ST8SIA5: variants seen among roughly 807,000 people sequenced by gnomAD.
The protein encoded by ST8SIA5 is ST8 alpha-N-acetyl-neuraminide alpha-2,8-sialyltransferase 5.
Under a neutral mutation model 40.2 loss-of-function variants are expected in ST8SIA5, and 24 were observed. The observed-to-expected ratio is 0.60, with a 90% CI of 0.43 to 0.84. The LOEUF (loss-of-function observed/expected upper bound fraction) is 0.84, where lower values mean the gene tolerates loss of function less well. ST8SIA5 is among the 40% of genes least tolerant of loss of function. The pLI is 0.00. For missense variants in ST8SIA5, 465 were observed against 498.5 expected, an observed-to-expected ratio of 0.93 and a Z score of 0.64; for synonymous variants, 198 against 201.8, an observed-to-expected ratio of 0.98 and a Z score of 0.16.
At chr18:46,710,810 G>A (rs373616427) in intron 1 of ST8SIA5, among the ~76,000 whole-genome samples, 2 of 152,150 alleles carry the variant, frequency 1.3e-5, no homozygotes, top group East Asian at 3.9e-4. Flanking sequence ...CTTTCTTGGG[G>A]GCAACAGTAC....
rs1311708929 is a variant in ST8SIA5, at chr18:46,674,661, A to T, written c.*5381T>A. 1 of 152,286 alleles carries T rather than the reference A, an allele frequency of 6.6e-6. No homozygotes were observed. The highest frequency in any genetic ancestry group is 2.4e-5 in the African/African-American group (1 of 41,466). 9.4% of individuals were successfully genotyped at this position (152,286 alleles called of 1,614,324 possible). A position where few individuals can be genotyped will look rare whatever the true frequency, so the allele number is the denominator to read the frequency against. Reference sequence around the variant, plus strand: ...CCCTTGGGGAGAAGGCAAACCTTCTATCAAGGACACACGGGCCCTTATGCT... The same window carrying T: ...CCCTTGGGGAGAAGGCAAACCTTCTTTCAAGGACACACGGGCCCTTATGCT... On this transcript the variant is annotated 3_prime_UTR_variant, in exon 7 of 7. Coordinates refer to ENST00000315087, the MANE Select transcript of ST8SIA5 (RefSeq NM_013305.6).
At chr18:46,711,389 C>A (rs1195398711) in intron 1 of ST8SIA5, among the ~76,000 whole-genome samples, 1 of 152,220 alleles carries the variant, frequency 6.6e-6, no homozygotes, top group Non-Finnish European at 1.5e-5. Flanking sequence ...GGTAAAGTAA[C>A]TTGCCCAAGG....
At position 46,680,190 on chromosome 18, in the gene ST8SIA5, G is replaced by T; in HGVS notation, c.983C>A (p.Pro328His). 6.2e-7 allele frequency: 1 copy of T among 1,614,220 alleles called. No homozygotes were observed. Among genetic ancestry groups the T allele is most frequent in the South Asian group, 1.1e-5 (1 of 91,078 alleles). ...GTGGTGAGTGATGTAGAGGCCCGAGGGGTTCATGGGGAAGGCCCAGAAGCC... is the reference window on the plus strand; with the variant it reads ...GTGGTGAGTGATGTAGAGGCCCGAGTGGTTCATGGGGAAGGCCCAGAAGCC... ...LFGFWAFPMN[P>H]SGLYITHHYY... The change falls in exon 7 of 7, where the codon CCC (proline) becomes CAC (histidine). Residue 328 changes from proline (P) to histidine (H), a missense_variant. By Grantham distance (77) the Pro-to-His change is moderately conservative. Coordinates refer to ENST00000315087, the MANE Select transcript of ST8SIA5 (RefSeq NM_013305.6).
At chr18:46,683,445 A>C (rs758148387) in intron 5 of ST8SIA5, among the ~76,000 whole-genome samples, 25 of 152,104 alleles carry the variant, frequency 1.6e-4, no homozygotes, top group Non-Finnish European at 2.9e-4. Flanking sequence ...CCTGTGGTAG[A>C]TGAGAACAGG....
At chr18:46,717,430 AG>A (rs1440290436) in intron 1 of ST8SIA5, among the ~76,000 whole-genome samples, 1 of 152,042 alleles carries the variant, frequency 6.6e-6, no homozygotes, top group African/African-American at 2.4e-5. Context: ...CTGCCTCCTG[AG>A]TTCAAGCGAT....
chr18:46,671,550 C>T lies in ST8SIA5; in HGVS notation c.*8492G>A, dbSNP rs979282305. The T allele has an allele frequency of 5.9e-5, 9 of 152,220 alleles. No homozygotes were observed. The highest frequency in any genetic ancestry group is 1.3e-4 in the Non-Finnish European group (9 of 68,094). 9.4% of individuals were successfully genotyped at this position (152,220 alleles called of 1,614,324 possible). A position where few individuals can be genotyped will look rare whatever the true frequency, so the allele number is the denominator to read the frequency against. ...CAAGTGTGTGGTACTCAGATCCTAC[C>T]CAGCGCCGGTCACAAGGTGACCCTC... On this transcript the variant is annotated 3_prime_UTR_variant, in exon 7 of 7. Coordinates refer to ENST00000315087, the MANE Select transcript of ST8SIA5 (RefSeq NM_013305.6).
chr18:46,680,770 A>C (rs2039386416), intron 6 of ST8SIA5, among the ~76,000 whole-genome samples: 1 of 152,186 alleles, frequency 6.6e-6, no homozygotes, highest in South Asian at 2.1e-4. Flanking sequence ...GGGCAGGGCA[A>C]TGCTGAATCC....
In ST8SIA5 at chr18:46,683,397, AC is replaced by A. The variant is rs576628436; in HGVS notation, c.570-1334del. Among the ~76,000 whole-genome samples, 100 of 152,252 alleles carry A rather than the reference AC, an allele frequency of 6.6e-4. 1 individual carries two copies. Among genetic ancestry groups the A allele is most frequent in the Admixed American group, 2.4e-3 (37 of 15,304 alleles). On this transcript the variant is annotated intron_variant, in intron 5 of 6. Coordinates refer to ENST00000315087, the MANE Select transcript of ST8SIA5 (RefSeq NM_013305.6). ...CAGGTGTTAGCTGGTTGAATGTGGA[AC>A]TCATGAGCATTCCAGACACAGGTCC... is the stretch of plus-strand genomic sequence containing the variant.
chr18:46,726,636 AGG>A (rs2039932908), intron 1 of ST8SIA5, among the ~76,000 whole-genome samples: 1 of 143,390 alleles, frequency 7.0e-6, no homozygotes, highest in Admixed American at 7.1e-5. Flanking sequence ...ATAATTTTTA[AGG>A]CCAGGCACGG....
chr18:46,688,747 C>A (rs750450526), intron 4 of ST8SIA5, 28 bp downstream of exon 4: 1 of 1,598,170 alleles, frequency 6.3e-7, no homozygotes, highest in Admixed American at 1.7e-5. Context: ...CCTCGCCCCA[C>A]CCAGACCGCC....
In ST8SIA5 at chr18:46,756,793, C is replaced by G; in HGVS notation, c.-285G>C. The stretch of plus-strand genomic sequence containing the variant: ...TACCTTTACCTCCAGGCGCCGGTGC[C>G]GGGTAGCCGCCGATTTCCCCGCGGA... On this transcript the variant is annotated 5_prime_UTR_variant, in exon 1 of 7. Transcript: ENST00000315087. 2.8e-6 allele frequency: 1 copy of G among 357,990 alleles called. No homozygotes were observed. The highest frequency in any genetic ancestry group is 5.1e-5 in the South Asian group (1 of 19,492). 22.2% of individuals were successfully genotyped at this position (357,990 alleles called of 1,614,324 possible). A position where few individuals can be genotyped will look rare whatever the true frequency, so the allele number is the denominator to read the frequency against.
intron 2 of ST8SIA5, among the ~76,000 whole-genome samples, chr18:46,702,706 G>T (rs959720479): frequency 6.6e-6 from 1 of 152,158 alleles, no homozygotes; most frequent in Non-Finnish European, 1.5e-5. Flanking sequence ...CCTCCCCCTA[G>T]TCCCAGCCTG....
At chr18:46,745,930 G>A (rs557714154) in intron 1 of ST8SIA5, among the ~76,000 whole-genome samples, 169 of 152,274 alleles carry the variant, frequency 1.1e-3, no homozygotes, top group African/African-American at 3.7e-3. Flanking sequence ...ATCAATAAAC[G>A]TAATCCATCA....
chr18:46,725,072 A>G (rs981672283), intron 1 of ST8SIA5, among the ~76,000 whole-genome samples: 3 of 152,064 alleles, frequency 2.0e-5, no homozygotes, highest in Non-Finnish European at 4.4e-5. Flanking sequence ...AAAGGAAGGA[A>G]GAAAGAAAAT....
intron 4 of ST8SIA5, 75 bp downstream of exon 4, chr18:46,688,699 AG>A: frequency 6.5e-7 from 1 of 1,537,096 alleles, no homozygotes; most frequent in Non-Finnish European, 8.8e-7. Context: ...GCAAAACCCC[AG>A]GGACATTGCC....
intron 2 of ST8SIA5, among the ~76,000 whole-genome samples, chr18:46,702,110 G>T (rs975921991): frequency 6.9e-6 from 1 of 145,574 alleles, no homozygotes; most frequent in Admixed American, 7.0e-5. Flanking sequence ...TGGCACCACT[G>T]CACTCCAGCC....
intron 4 of ST8SIA5, 95 bp downstream of exon 4, chr18:46,688,680 G>A (rs1321704820): frequency 6.8e-7 from 1 of 1,476,940 alleles, no homozygotes; most frequent in Non-Finnish European, 9.1e-7. Flanking sequence ...AGGACCGTGA[G>A]TGAGTCAGGC....
chr18:46,708,561 G>C (rs1385847664), intron 1 of ST8SIA5, among the ~76,000 whole-genome samples: 1 of 152,042 alleles, frequency 6.6e-6, no homozygotes, highest in Non-Finnish European at 1.5e-5. Context: ...CCCCTATCAG[G>C]CTCCCATACT....
At chr18:46,713,373 T>C (rs1163758181) in intron 1 of ST8SIA5, among the ~76,000 whole-genome samples, 1 of 151,800 alleles carries the variant, frequency 6.6e-6, no homozygotes, top group Non-Finnish European at 1.5e-5. Context: ...AGGTTTGGGG[T>C]GTTGGGCCCT....
Sources: allele counts gnomAD v4.1 joint callset (sites outside exome capture counted in the v4.1 genomes callset), GRCh38; gene constraint gnomAD v4.1.1; transcripts MANE v1.5; gene names NCBI Gene and HGNC (gene_info 2026-07-23, HGNC 2026-07-21).